WDR70: variants seen among roughly 807,000 people sequenced by gnomAD.
WDR70 encodes WD repeat-containing protein 70.
A neutral mutation model predicts 88.6 loss-of-function variants in WDR70; 53 were observed. The observed-to-expected ratio is 0.60, with a 90% CI of 0.48 to 0.75. The LOEUF (loss-of-function observed/expected upper bound fraction) is 0.75, where lower values mean the gene tolerates loss of function less well. Ranked by LOEUF, WDR70 falls within the 30% of genes least tolerant of loss-of-function variation. WDR70 has a pLI of 0.00. For missense variants in WDR70, 610 were observed against 823.2 expected (o/e 0.74, Z 3.17); for synonymous variants, 280 against 270.0 (o/e 1.04, Z -0.36).
chr5:37,545,096 A>G (rs185716260), intron 9 of WDR70, among the ~76,000 whole-genome samples: 4 of 152,348 alleles, frequency 2.6e-5, no homozygotes, highest in South Asian at 4.1e-4. Context: ...TCATTGTGAT[A>G]TAATATGTCT....
chr5:37,653,198 CAT>C (rs1202037074), intron 10 of WDR70, among the ~76,000 whole-genome samples: 1 of 152,068 alleles, frequency 6.6e-6, no homozygotes, highest in Non-Finnish European at 1.5e-5. Flanking sequence ...CTGAGATAAT[CAT>C]GTGTTTTTTG....
At chr5:37,681,200 G>A (rs1209388363) in intron 10 of WDR70, among the ~76,000 whole-genome samples, 1 of 152,054 alleles carries the variant, frequency 6.6e-6, no homozygotes, top group Non-Finnish European at 1.5e-5. Context: ...TCTTTTTGTG[G>A]ATATTGTGAA....
chr5:37,392,255 C>T lies in WDR70; in HGVS notation c.296+135C>T, dbSNP rs923495452. ...CTGCAGTGCAGTGGCGTGATCTTGG[C>T]TGACTGTAACCTCCATCTCCTGGGT... On this transcript the variant is annotated intron_variant, in intron 4 of 17. Coordinates refer to ENST00000265107, the MANE Select transcript of WDR70 (RefSeq NM_018034.4). The T allele has an allele frequency of 5.7e-5, 57 of 1,006,532 alleles. 1 individual carries two copies. Among genetic ancestry groups the T allele is most frequent in the Middle Eastern group, 6.9e-4 (2 of 2,908 alleles). The allele number at this position is 1,006,532 out of a possible 1,614,324, so 62.4% of individuals were successfully genotyped here.
chr5:37,610,285 A>T (rs1056034486), intron 10 of WDR70, among the ~76,000 whole-genome samples: 2 of 148,880 alleles, frequency 1.3e-5, no homozygotes, highest in African/African-American at 2.5e-5. Context: ...AAAAAAAAAA[A>T]TTTGTTTTTA....
intron 9 of WDR70, among the ~76,000 whole-genome samples, chr5:37,574,770 T>C (rs1031930574): frequency 2.6e-5 from 4 of 152,336 alleles, no homozygotes; most frequent in African/African-American, 9.6e-5. Flanking sequence ...TAAACAACAC[T>C]GCACCCATCC....
intron 7 of WDR70, among the ~76,000 whole-genome samples, chr5:37,461,673 T>TG (rs1314647376): frequency 2.6e-5 from 4 of 151,934 alleles, no homozygotes; most frequent in African/African-American, 9.7e-5. Context: ...TTAGTAGAGA[T>TG]GGGGTTTCAC....
chr5:37,426,095 C>T (rs1285056685), intron 5 of WDR70, among the ~76,000 whole-genome samples: 1 of 152,086 alleles, frequency 6.6e-6, no homozygotes, highest in East Asian at 1.9e-4. Context: ...AGCAGAAAGC[C>T]TAGGACAGAA....
chr5:37,445,033 A>G (rs1205888209), intron 7 of WDR70, among the ~76,000 whole-genome samples: 1 of 152,046 alleles, frequency 6.6e-6, no homozygotes, highest in African/African-American at 2.4e-5. Context: ...CAGGCCATAG[A>G]CTGATACCAG....
chr5:37,422,293 T>C (rs1749967057), intron 5 of WDR70, among the ~76,000 whole-genome samples: 1 of 105,038 alleles, frequency 9.5e-6, no homozygotes, highest in Non-Finnish European at 2.5e-5. Flanking sequence ...TTTCCTTTTT[T>C]CTTTTTTTTT....
At chr5:37,395,105 A>G (rs1413942421) in intron 4 of WDR70, among the ~76,000 whole-genome samples, 1 of 152,228 alleles carries the variant, frequency 6.6e-6, no homozygotes, top group Non-Finnish European at 1.5e-5. Context: ...ATTAGAAGGC[A>G]GTGACACTTT....
At chr5:37,641,707 G>A (rs1219528835) in intron 10 of WDR70, among the ~76,000 whole-genome samples, 1 of 151,988 alleles carries the variant, frequency 6.6e-6, no homozygotes. Context: ...ATGAGTCACC[G>A]CACCTGGCCT....
chr5:37,648,425 A>C (rs767009010), intron 10 of WDR70, among the ~76,000 whole-genome samples: 3 of 152,086 alleles, frequency 2.0e-5, no homozygotes, highest in African/African-American at 4.8e-5. Flanking sequence ...CCAGTCCACT[A>C]TAAAGAGTGA....
intron 10 of WDR70, among the ~76,000 whole-genome samples, chr5:37,610,650 A>G (rs1561922160): frequency 6.6e-6 from 1 of 152,190 alleles, no homozygotes; most frequent in Non-Finnish European, 1.5e-5. Context: ...ATAAGACAAA[A>G]GAAATTTAAA....
In WDR70 at chr5:37,599,963, A is replaced by G. The variant is rs555585121; in HGVS notation, c.918-5101A>G. The stretch of plus-strand genomic sequence containing the variant: ...TATAAAAATTAACTCAAAATAAGTC[A>G]TAGATTTAAGTGTAAAGAAGGTCCT... On this transcript the variant is annotated intron_variant, in intron 9 of 17. Coordinates refer to ENST00000265107, the MANE Select transcript of WDR70 (RefSeq NM_018034.4). Among the ~76,000 whole-genome samples, 16 of 152,256 alleles carry G rather than the reference A, an allele frequency of 1.1e-4. 1 individual carries two copies. Among genetic ancestry groups the G allele is most frequent in the African/African-American group, 3.8e-4 (16 of 41,564 alleles).
chr5:37,427,947 G>T (rs1750184835), intron 5 of WDR70, among the ~76,000 whole-genome samples: 1 of 151,866 alleles, frequency 6.6e-6, no homozygotes, highest in Admixed American at 6.6e-5. Flanking sequence ...ACAGTGAAAT[G>T]TAAGTGCAAG....
At chr5:37,411,013 A>G (rs1224135281) in intron 5 of WDR70, among the ~76,000 whole-genome samples, 3 of 152,270 alleles carry the variant, frequency 2.0e-5, no homozygotes, top group Non-Finnish European at 2.9e-5. Flanking sequence ...TTGATAGCTT[A>G]TGAACCTACC....
chr5:37,492,481 A>G (rs1581333767), intron 8 of WDR70, among the ~76,000 whole-genome samples: 1 of 152,168 alleles, frequency 6.6e-6, no homozygotes, highest in African/African-American at 2.4e-5. Context: ...AGTCACTCCT[A>G]TGATTACATT....
intron 9 of WDR70, among the ~76,000 whole-genome samples, chr5:37,578,539 T>G (rs1352560442): frequency 2.6e-5 from 4 of 152,240 alleles, no homozygotes; most frequent in Non-Finnish European, 4.4e-5. Flanking sequence ...ATTTCTTGGC[T>G]GTGTACCTAG....
At chr5:37,540,134 A>G (rs2112326288) in intron 9 of WDR70, among the ~76,000 whole-genome samples, 1 of 152,328 alleles carries the variant, frequency 6.6e-6, no homozygotes, top group African/African-American at 2.4e-5. Flanking sequence ...GTTGAGATTT[A>G]TAATTGACAA....
Sources: gnomAD v4.1 joint callset for allele counts (sites outside exome capture counted in the v4.1 genomes callset) on GRCh38, gnomAD v4.1.1 for gene constraint, MANE v1.5 for transcripts, NCBI Gene and HGNC (gene_info 2026-07-23, HGNC 2026-07-21) for gene names.